The following RNF6 variants were observed in gnomAD, a reference collection of about 807,000 sequenced individuals.
RNF6 encodes E3 ubiquitin-protein ligase RNF6.
In RNF6, 21 loss-of-function variants were observed where a neutral mutation model predicts 50.1. The ratio of observed to expected loss-of-function variants is 0.42; its 90% CI spans 0.30 to 0.60. RNF6 has a LOEUF of 0.60. Ranked by LOEUF, RNF6 falls within the 20% of genes least tolerant of loss-of-function variation. RNF6 has a pLI of 0.20. For synonymous variants in RNF6, 255 were observed against 291.8 expected (o/e 0.87, Z 1.29); for missense variants, 698 against 838.2 (o/e 0.83, Z 2.07).
chr13:26,218,655 T>C (rs1870149837), intron 3 of RNF6, 49 bp from the exon 4 acceptor site: 3 of 1,408,588 alleles, frequency 2.1e-6, no homozygotes, highest in East Asian at 4.6e-5. Context: ...TTAAGTTTTA[T>C]GAGACCTCAT....
At chr13:26,132,899 G>C (rs1462822559) in intron 5 of RNF6, among the ~76,000 whole-genome samples, 2 of 151,980 alleles carry the variant, frequency 1.3e-5, no homozygotes, top group African/African-American at 4.8e-5. Flanking sequence ...CCACCCACAG[G>C]GTTTTTTCTT....
intron 3 of RNF6, 52 bp downstream of exon 3, chr13:26,219,405 C>T: frequency 1.5e-6 from 2 of 1,360,614 alleles, no homozygotes; most frequent in Admixed American, 4.1e-5. Context: ...TCTTGAAATC[C>T]TTCCATCTAA....
Position 26,213,822 on chromosome 13 carries a change from C to T in RNF6, c.*2G>A, listed in dbSNP as rs753573634. 4 of 1,597,830 alleles carry T rather than the reference C, an allele frequency of 2.5e-6. No individual in the cohort carries two copies. The South Asian group carries it at 4.5e-5, about 18-fold the overall frequency. ...AACAGTATTTGAGTAGATCCCATCA[C>T]CTTACCCATTGTTTGCTATGTTAGA... On this transcript the variant is annotated 3_prime_UTR_variant, in exon 5 of 5. Transcript: ENST00000381588.
chr13:26,175,647 A>C (rs1250645445), intron 5 of RNF6, among the ~76,000 whole-genome samples: 1 of 152,166 alleles, frequency 6.6e-6, no homozygotes. Flanking sequence ...GAGCTGCCTG[A>C]AAGTGATGAA....
chr13:26,152,546 C>T (rs922020726), intron 5 of RNF6, among the ~76,000 whole-genome samples: 4 of 152,204 alleles, frequency 2.6e-5, no homozygotes, highest in African/African-American at 9.7e-5. Context: ...GGGCAGGCAG[C>T]ATGTCTAATC....
intron 5 of RNF6, among the ~76,000 whole-genome samples, chr13:26,179,856 G>A (rs991464121): frequency 1.3e-5 from 2 of 152,186 alleles, no homozygotes; most frequent in Non-Finnish European, 2.9e-5. Flanking sequence ...AGGCCCAGGA[G>A]GACGACTACC....
chr13:26,193,947 TAGAG>T (rs1018112451), intron 5 of RNF6, among the ~76,000 whole-genome samples: 2 of 152,172 alleles, frequency 1.3e-5, no homozygotes, highest in South Asian at 2.1e-4. Context: ...CTTAGTGAAA[TAGAG>T]AGTAGATTAT....
intron 5 of RNF6, chr13:26,144,744 A>C (rs1213029582): frequency 6.6e-6 from 1 of 152,176 alleles, no homozygotes; most frequent in Non-Finnish European, 1.5e-5. Flanking sequence ...GATCATAGGG[A>C]TCTCCCGTAA....
intron 5 of RNF6, among the ~76,000 whole-genome samples, chr13:26,202,165 A>G (rs1202821684): frequency 1.3e-5 from 2 of 152,204 alleles, no homozygotes; most frequent in African/African-American, 4.8e-5. Context: ...ACTTGGGCAA[A>G]TGATCCATCT....
At chr13:26,207,471 A>T (rs1267107597) in intron 5 of RNF6, among the ~76,000 whole-genome samples, 1 of 144,260 alleles carries the variant, frequency 6.9e-6, no homozygotes, top group Non-Finnish European at 1.6e-5. Context: ...GATGGCAAGA[A>T]TCTATGTGAG....
At chr13:26,184,432 G>T (rs1308936656) in intron 5 of RNF6, among the ~76,000 whole-genome samples, 2 of 152,160 alleles carry the variant, frequency 1.3e-5, no homozygotes, top group African/African-American at 4.8e-5. Context: ...AAGACATGTT[G>T]TTGTATAAAA....
intron 5 of RNF6, among the ~76,000 whole-genome samples, chr13:26,148,661 T>C (rs1312383501): frequency 2.4e-5 from 3 of 124,206 alleles, no homozygotes; most frequent in African/African-American, 8.5e-5. Context: ...TATATATATA[T>C]ATATATATAT....
intron 5 of RNF6, among the ~76,000 whole-genome samples, chr13:26,148,617 A>C (rs1871372547): frequency 1.1e-5 from 1 of 91,674 alleles, no homozygotes; most frequent in Non-Finnish European, 2.1e-5. Context: ...AATAGAAACA[A>C]TAGTATAAAT....
intron 3 of RNF6, 143 bp from the exon 4 acceptor site, chr13:26,218,749 A>C (rs1318500063): frequency 1.7e-6 from 1 of 587,142 alleles, no homozygotes; most frequent in Non-Finnish European, 3.0e-6. Flanking sequence ...AGACAGTTAA[A>C]AATATTCAAC....
chr13:26,164,048 G>A (rs931730318), intron 5 of RNF6, among the ~76,000 whole-genome samples: 1 of 152,098 alleles, frequency 6.6e-6, no homozygotes, highest in Non-Finnish European at 1.5e-5. Context: ...CTAAAAATTC[G>A]ATTTGTATGT....
At position 26,214,568 on chromosome 13, in the gene RNF6, A is replaced by T. The variant is rs760180310; in HGVS notation, c.1314T>A (p.Ser438Arg). The T allele has an allele frequency of 5.0e-6, 8 of 1,614,056 alleles. No individual in the cohort carries two copies. The highest frequency in any genetic ancestry group is 5.9e-6 in the Non-Finnish European group (7 of 1,180,042). Residue 438 changes from serine (S) to arginine (R), a missense_variant, in exon 5 of 5, where the codon AGT becomes AGA. Coordinates refer to ENST00000381588, the MANE Select transcript of RNF6 (RefSeq NM_005977.4). Reference protein sequence around the residue: ...AENTVTIESNSGGFRRTISRL... With the variant: ...AENTVTIESNRGGFRRTISRL... ...GAGAAATGGTTCGGCGAAAGCCCCC[A>T]CTATTGCTTTCAATAGTGACTGTAT...
chr13:26,196,037 G>A (rs2137695197), intron 5 of RNF6, among the ~76,000 whole-genome samples: 1 of 152,258 alleles, frequency 6.6e-6, no homozygotes, highest in East Asian at 1.9e-4. Flanking sequence ...AAAAACACTT[G>A]AAGATAAAAT....
chr13:26,188,796 A>G (rs1047808432), intron 5 of RNF6, among the ~76,000 whole-genome samples: 1 of 151,528 alleles, frequency 6.6e-6, no homozygotes, highest in Non-Finnish European at 1.5e-5. Context: ...TGCCCGGTTA[A>G]TTTTTGTATT....
downstream of RNF6, among the ~76,000 whole-genome samples, chr13:26,211,249 T>A (rs190972): frequency 2.6e-5 from 4 of 152,244 alleles, 1 homozygote; most frequent in Admixed American, 2.0e-4. Context: ...GAATTTTCCA[T>A]ACAAAACACA....
Sources: allele counts gnomAD v4.1 joint callset (sites outside exome capture counted in the v4.1 genomes callset), GRCh38; gene constraint gnomAD v4.1.1; transcripts MANE v1.5; gene names NCBI Gene and HGNC (gene_info 2026-07-23, HGNC 2026-07-21).